Variants in NRXN1 observed in about 807,000 individuals in gnomAD.
NRXN1 encodes the protein neurexin-1.
A neutral mutation model predicts 150.9 loss-of-function variants in NRXN1; 39 were observed. The ratio of observed to expected loss-of-function variants is 0.26; its 90% CI spans 0.20 to 0.34. The LOEUF (loss-of-function observed/expected upper bound fraction) is 0.34, where lower values mean the gene tolerates loss of function less well. Among genes scored for constraint, NRXN1 ranks in the 10% least tolerant of loss-of-function variants. The probability of loss-of-function intolerance (pLI) is 1.00; values close to 1 mark genes in which losing one functional copy is unlikely to be tolerated. For synonymous variants in NRXN1, 924 were observed against 757.0 expected (o/e 1.22, Z -3.62); for missense variants, 1,815 against 1,949.9 (o/e 0.93, Z 1.30).
chr2:50,588,988 T>A (rs1330722001), intron 8 of NRXN1: 1 of 152,160 alleles, frequency 6.6e-6, no homozygotes. Context: ...CGAATGGTTC[T>A]TTTTTTCCAG....
chr2:50,572,563 T>C (rs1670819493), intron 8 of NRXN1, among the ~76,000 whole-genome samples: 1 of 152,202 alleles, frequency 6.6e-6, no homozygotes, highest in African/African-American at 2.4e-5. Flanking sequence ...TTATCATTAA[T>C]TGTTATATCA....
At chr2:50,976,525 T>C (rs976918364) in intron 2 of NRXN1, among the ~76,000 whole-genome samples, 3 of 151,930 alleles carry the variant, frequency 2.0e-5, no homozygotes, top group African/African-American at 7.2e-5. Flanking sequence ...CTTAAACACA[T>C]GAAATGAAGA....
chr2:50,269,574 A>G (rs946883273), intron 17 of NRXN1, among the ~76,000 whole-genome samples: 2 of 152,246 alleles, frequency 1.3e-5, no homozygotes, highest in African/African-American at 4.8e-5. Context: ...CAATATTGTC[A>G]TGAATATATA....
At chr2:50,779,172 CT>C (rs1177134665) in intron 5 of NRXN1, among the ~76,000 whole-genome samples, 1 of 152,162 alleles carries the variant, frequency 6.6e-6, no homozygotes, top group East Asian at 1.9e-4. Context: ...TATCCCTCCC[CT>C]AGCACCCCTC....
At chr2:50,066,604 T>C (rs1457243868) in intron 19 of NRXN1, among the ~76,000 whole-genome samples, 12 of 152,190 alleles carry the variant, frequency 7.9e-5, no homozygotes, top group Admixed American at 7.9e-4. Flanking sequence ...CCAACATCTA[T>C]TTTTAAATAA....
chr2:50,730,733 C>A (rs1697996478), intron 5 of NRXN1, among the ~76,000 whole-genome samples: 1 of 131,926 alleles, frequency 7.6e-6, no homozygotes, highest in African/African-American at 2.9e-5. Flanking sequence ...AGTGCAGTGG[C>A]GCGATCTGGG....
At chr2:50,823,870 G>C (rs536148046) in intron 5 of NRXN1, among the ~76,000 whole-genome samples, 18 of 152,252 alleles carry the variant, frequency 1.2e-4, no homozygotes, top group Non-Finnish European at 4.4e-5. Flanking sequence ...TTTAATTCTT[G>C]TATATTTCAA....
At chr2:50,371,000 C>G (rs917509772) in intron 17 of NRXN1, among the ~76,000 whole-genome samples, 4 of 151,944 alleles carry the variant, frequency 2.6e-5, no homozygotes, top group Non-Finnish European at 5.9e-5. Flanking sequence ...TATTTTTCCT[C>G]CTCAAATTCA....
chr2:50,850,719 T>C (rs1674394164), intron 5 of NRXN1, among the ~76,000 whole-genome samples: 1 of 149,972 alleles, frequency 6.7e-6, no homozygotes, highest in Non-Finnish European at 1.5e-5. Context: ...TTTTAAAAAA[T>C]CAATATCAAA....
chr2:50,579,662 A>T (rs141429064), intron 8 of NRXN1, among the ~76,000 whole-genome samples: 19 of 152,286 alleles, frequency 1.2e-4, no homozygotes, highest in African/African-American at 3.4e-4. Context: ...AAAATAAAAA[A>T]ATATATATAT....
intron 18 of NRXN1, among the ~76,000 whole-genome samples, chr2:50,168,077 T>G (rs539725338): frequency 6.6e-6 from 1 of 152,182 alleles, no homozygotes. Flanking sequence ...AATATCTTGT[T>G]TGAATGCAAA....
intron 17 of NRXN1, among the ~76,000 whole-genome samples, chr2:50,265,737 C>T (rs752396149): frequency 6.6e-6 from 1 of 152,088 alleles, no homozygotes; most frequent in Non-Finnish European, 1.5e-5. Flanking sequence ...CAGAAAAAGT[C>T]ATCTTCCGAG....
At chr2:50,247,093 C>G (rs769109618) in intron 17 of NRXN1, among the ~76,000 whole-genome samples, 10 of 152,054 alleles carry the variant, frequency 6.6e-5, no homozygotes, top group Non-Finnish European at 1.3e-4. Context: ...CATCCATCAG[C>G]ATGATGGAGT....
At chr2:50,245,669 G>C (rs1057188646) in intron 17 of NRXN1, among the ~76,000 whole-genome samples, 1 of 151,682 alleles carries the variant, frequency 6.6e-6, no homozygotes, top group African/African-American at 2.4e-5. Context: ...TATTTCAAAG[G>C]TTAATTGTGA....
intron 21 of NRXN1, among the ~76,000 whole-genome samples, chr2:50,013,381 C>T (rs1686033578): frequency 6.7e-6 from 1 of 150,070 alleles, no homozygotes; most frequent in South Asian, 2.1e-4. Flanking sequence ...TCGTAAACTC[C>T]CAAGTTAAAG....
chr2:50,879,512 T>C (rs889350385), intron 5 of NRXN1, among the ~76,000 whole-genome samples: 2 of 151,958 alleles, frequency 1.3e-5, no homozygotes, highest in South Asian at 2.1e-4. Context: ...TTTAAATGTA[T>C]GTGTTAAAAA....
chr2:50,819,160 A>G (rs1416291063), intron 5 of NRXN1, among the ~76,000 whole-genome samples: 1 of 152,138 alleles, frequency 6.6e-6, no homozygotes, highest in Non-Finnish European at 1.5e-5. Flanking sequence ...ATGATTCAGT[A>G]TTTACCATGT....
In NRXN1 at chr2:50,447,740, TATATATATATATATATATATATATA is replaced by T. The variant is rs1558748274; in HGVS notation, c.3364+17677_3364+17701del. Among the ~76,000 whole-genome samples, 531 of 81,136 alleles carry T rather than the reference TATATATATATATATATATATATATA, an allele frequency of 6.5e-3. 43 individuals carry two copies. The highest frequency in any genetic ancestry group is 0.028 in the African/African-American group (478 of 16,910). 53.2% of individuals were successfully genotyped at this position (81,136 alleles called of 152,430 possible). ...TCACATAGTAAGCAGGGGAACGTTA[TATATATATATATATATATATATATA>T]TATATATATATATACCTAATTCCCT... On this transcript the variant is annotated intron_variant, in intron 17 of 22. Coordinates refer to ENST00000401669, the MANE Select transcript of NRXN1 (RefSeq NM_001330078.2).
chr2:50,430,791 C>T, intron 17 of NRXN1, among the ~76,000 whole-genome samples: 1 of 152,274 alleles, frequency 6.6e-6, no homozygotes, highest in East Asian at 1.9e-4. Flanking sequence ...TATCTAATTC[C>T]TAATAGGAAT....
Sources: gnomAD v4.1 joint callset for allele counts (sites outside exome capture counted in the v4.1 genomes callset) on GRCh38, gnomAD v4.1.1 for gene constraint, MANE v1.5 for transcripts, NCBI Gene and HGNC (gene_info 2026-07-23, HGNC 2026-07-21) for gene names.